Variants in ANGPT1 observed in about 807,000 individuals in gnomAD.
ANGPT1 encodes the protein angiopoietin 1.
ANGPT1 carries 17 observed loss-of-function variants against 62.2 expected under a neutral mutation model. The observed-to-expected ratio is 0.27, with a 90% CI of 0.19 to 0.41. The LOEUF is 0.41. Ranked by LOEUF, ANGPT1 falls within the 10% of genes least tolerant of loss-of-function variation. The probability of loss-of-function intolerance (pLI) is 1.00; values close to 1 mark genes in which losing one functional copy is unlikely to be tolerated. For synonymous variants in ANGPT1, 199 were observed against 198.9 expected, an observed-to-expected ratio of 1.00 and a Z score of 0.00; for missense variants, 478 against 594.9, an observed-to-expected ratio of 0.80 and a Z score of 2.04.
Position 107,475,440 on chromosome 8 carries a change from A to G in ANGPT1, c.297+21822T>C, listed in dbSNP as rs535074251. On this transcript the variant is annotated intron_variant, in intron 1 of 8. Transcript: ENST00000517746. ...CACCTTATACAAAAATTAATTCAAGATGGATTAAAGACTTAACCATTAGAC... is the reference window on the plus strand; with the variant it reads ...CACCTTATACAAAAATTAATTCAAGGTGGATTAAAGACTTAACCATTAGAC... 2.6e-5 allele frequency among the ~76,000 whole-genome samples: 4 copies of G among 152,320 alleles called. No individual in the cohort carries two copies. The South Asian group carries it at 8.3e-4, about 32-fold the overall frequency.
intron 1 of ANGPT1, among the ~76,000 whole-genome samples, chr8:107,354,579 T>C (rs923228691): frequency 6.6e-6 from 1 of 152,180 alleles, no homozygotes; most frequent in Admixed American, 6.5e-5. Flanking sequence ...AATCTGAATG[T>C]ATATATCTAT....
chr8:107,387,710 T>C lies in ANGPT1; in HGVS notation c.298-40613A>G, dbSNP rs552429770. Among the ~76,000 whole-genome samples the C allele has an allele frequency of 1.8e-3, 277 of 151,986 alleles. 2 individuals are homozygous for C. Among genetic ancestry groups the C allele is most frequent in the Admixed American group, 2.4e-3 (36 of 15,242 alleles). ...TGACAGAGAAAAAAATGGTAGGAAA[T>C]GTTGAAAGAATTCAGATTCTGGCTG... On this transcript the variant is annotated intron_variant, in intron 1 of 8. Transcript: ENST00000517746.
chr8:107,436,502 T>C (rs1396427864), intron 1 of ANGPT1, among the ~76,000 whole-genome samples: 2 of 152,232 alleles, frequency 1.3e-5, no homozygotes, highest in East Asian at 3.8e-4. Flanking sequence ...CTTGTGCTTA[T>C]ATGGAACGTT....
rs767914920 is a variant in ANGPT1, at chr8:107,321,899, C to A, written c.805G>T (p.Gly269Cys). The change falls in exon 4 of 9, where the codon GGT (glycine) becomes TGT (cysteine). Residue 269 changes from glycine to cysteine, a missense_variant. Coordinates refer to ENST00000517746, the MANE Select transcript of ANGPT1 (RefSeq NM_001146.5). ...HNLVNLCTKE[G>C]VLLKGGKREE... ...AAAGTGAGGAAGACATTCTTACCAC[C>A]TTCTTTAGTGCAAAGATTGACAAGG... The A allele has an allele frequency of 6.2e-7, 1 of 1,613,060 alleles. No homozygotes were observed. Among genetic ancestry groups the A allele is most frequent in the South Asian group, 1.1e-5 (1 of 90,880 alleles).
At chr8:107,447,120 G>C (rs1428642370) in intron 1 of ANGPT1, among the ~76,000 whole-genome samples, 1 of 152,092 alleles carries the variant, frequency 6.6e-6, no homozygotes, top group Non-Finnish European at 1.5e-5. Flanking sequence ...CGACCACCCT[G>C]GTCTGAGCCA....
chr8:107,419,950 G>T (rs1433190), intron 1 of ANGPT1, among the ~76,000 whole-genome samples: 21,280 of 152,006 alleles, frequency 0.14, 1,689 homozygotes, highest in Non-Finnish European at 0.19. Flanking sequence ...TTTAATCTCC[G>T]CAAACATCTC....
chr8:107,373,785 T>C (rs1428721524), intron 1 of ANGPT1, among the ~76,000 whole-genome samples: 4 of 152,224 alleles, frequency 2.6e-5, no homozygotes, highest in Non-Finnish European at 2.9e-5. Context: ...ATCTGACTTA[T>C]TGTGTCTTAT....
intron 1 of ANGPT1, among the ~76,000 whole-genome samples, chr8:107,376,911 A>G (rs1480410837): frequency 6.6e-6 from 1 of 152,298 alleles, no homozygotes; most frequent in South Asian, 2.1e-4. Context: ...GAAATTTCCA[A>G]TTTTGAAGCA....
chr8:107,289,056 A>G (rs1814211505), intron 6 of ANGPT1, among the ~76,000 whole-genome samples: 1 of 152,184 alleles, frequency 6.6e-6, no homozygotes, highest in South Asian at 2.1e-4. Context: ...ATACTATGCC[A>G]TGTACTTTTG....
chr8:107,299,950 A>C (rs1048530766), intron 5 of ANGPT1, among the ~76,000 whole-genome samples: 1 of 135,690 alleles, frequency 7.4e-6, no homozygotes, highest in Middle Eastern at 9.1e-3. Flanking sequence ...ATCTAGATAT[A>C]CTGTATATAT....
At chr8:107,263,410 C>CAAACT (rs1813542753) in intron 8 of ANGPT1, among the ~76,000 whole-genome samples, 1 of 124,786 alleles carries the variant, frequency 8.0e-6, no homozygotes, top group Non-Finnish European at 1.8e-5. Context: ...AAAATTAAAA[C>CAAACT]AAACTAACAT....
At chr8:107,308,810 T>C (rs564322572) in intron 4 of ANGPT1, among the ~76,000 whole-genome samples, 4 of 152,284 alleles carry the variant, frequency 2.6e-5, no homozygotes, top group East Asian at 3.9e-4. Flanking sequence ...AACAGGTGCA[T>C]GTCTGTCTTT....
At chr8:107,427,994 C>T (rs1341730456) in intron 1 of ANGPT1, among the ~76,000 whole-genome samples, 2 of 152,106 alleles carry the variant, frequency 1.3e-5, no homozygotes, top group East Asian at 3.9e-4. Context: ...CAAAGGGATC[C>T]CTGCGTTACA....
chr8:107,387,818 G>A (rs1178652524), intron 1 of ANGPT1, among the ~76,000 whole-genome samples: 10 of 151,752 alleles, frequency 6.6e-5, no homozygotes, highest in Admixed American at 6.6e-4. Context: ...TTGTATTATA[G>A]GAGGAACTAT....
In ANGPT1 at chr8:107,322,018, A is replaced by G. The variant is rs750780904; in HGVS notation, c.686T>C (p.Ile229Thr). Residue 229 changes from isoleucine to threonine, a missense_variant, in exon 4 of 9, where the codon ATA (isoleucine) becomes ACA (threonine). Ile to Thr is a moderately conservative substitution (Grantham distance 89). Coordinates refer to ENST00000517746, the MANE Select transcript of ANGPT1 (RefSeq NM_001146.5). ...LQGLVTRQTYIIQELEKQLNR... is the reference protein window; with the variant it reads ...LQGLVTRQTYTIQELEKQLNR... ...TAATTGCTTTTCCAGCTCCTGGATT[A>G]TATATGTTTGACGAGTAACCAAGCC... 5 of 1,613,836 alleles carry G rather than the reference A, an allele frequency of 3.1e-6. No individual in the cohort carries two copies. In the South Asian group the frequency reaches 4.4e-5, roughly 14 times the overall value.
At chr8:107,311,199 AAAAGTAGG>A in intron 4 of ANGPT1, among the ~76,000 whole-genome samples, 2 of 151,942 alleles carry the variant, frequency 1.3e-5, no homozygotes, top group Admixed American at 1.3e-4. Context: ...GAAAATTTTA[AAAAGTAGG>A]CAAAACTAAG....
intron 1 of ANGPT1, among the ~76,000 whole-genome samples, chr8:107,490,943 C>T (rs1563646702): frequency 6.6e-6 from 1 of 152,166 alleles, no homozygotes; most frequent in South Asian, 2.1e-4. Context: ...AGGATGGAAA[C>T]TCAGAATATT....
rs189773118 is a variant in ANGPT1 at position 107,481,475 on chromosome 8, A to C, written c.297+15787T>G. On this transcript the variant is annotated intron_variant, in intron 1 of 8. Transcript: ENST00000517746. ...CTTGAACCTGGGAGGCAGAGGTTGC[A>C]GTGAGCCAAGATTACACCACTACAC... Among the ~76,000 whole-genome samples the C allele has an allele frequency of 5.5e-3, 768 of 138,762 alleles. 7 individuals are homozygous for C. Among genetic ancestry groups the C allele is most frequent in the African/African-American group, 0.019 (725 of 37,384 alleles). The allele number at this position is 138,762 out of a possible 152,430, so 91.0% of individuals were successfully genotyped here.
chr8:107,492,021 TA>T (rs1812971249), intron 1 of ANGPT1, among the ~76,000 whole-genome samples: 1 of 152,062 alleles, frequency 6.6e-6, no homozygotes, highest in South Asian at 2.1e-4. Context: ...GTTATAACAC[TA>T]ACTGCCTAAC....
Sources: allele counts gnomAD v4.1 joint callset (sites outside exome capture counted in the v4.1 genomes callset), GRCh38; gene constraint gnomAD v4.1.1; transcripts MANE v1.5; gene names NCBI Gene and HGNC (gene_info 2026-07-23, HGNC 2026-07-21).